The following TMEFF2 variants were observed in gnomAD, a reference collection of about 807,000 sequenced individuals.
The protein encoded by TMEFF2 is transmembrane protein with EGF like and two follistatin like domains 2.
TMEFF2 carries 28 observed loss-of-function variants against 53.8 expected under a neutral mutation model. The observed-to-expected ratio is 0.52, with a 90% CI of 0.39 to 0.71. The LOEUF (loss-of-function observed/expected upper bound fraction) is 0.71. Among genes scored for constraint, TMEFF2 ranks in the 30% least tolerant of loss-of-function variants. The pLI is 0.00. For synonymous variants in TMEFF2, 162 were observed against 166.3 expected (o/e 0.97, Z 0.20); for missense variants, 353 against 455.2 (o/e 0.78, Z 2.04).
rs1691818696 is a variant in TMEFF2 at position 191,949,920 on chromosome 2, C to G, written c.*391G>C. Reference sequence around the variant, plus strand: ...TCCTGTACGAACTAATGTGCTGTCTCAAGATGAGAAGAAACATGAAATATT... The same window carrying G: ...TCCTGTACGAACTAATGTGCTGTCTGAAGATGAGAAGAAACATGAAATATT... On this transcript the variant is annotated 3_prime_UTR_variant, in exon 10 of 10. Transcript: ENST00000272771. 8 of 1,001,538 alleles carry G rather than the reference C, an allele frequency of 8.0e-6. No individual in the cohort carries two copies. The South Asian group carries it at 2.2e-4, about 27-fold the overall frequency. The allele number at this position is 1,001,538 out of a possible 1,614,324, so 62.0% of individuals were successfully genotyped here. A position where few individuals can be genotyped will look rare whatever the true frequency, so the allele number is the denominator to read the frequency against.
chr2:192,108,332 T>C (rs950587043), intron 4 of TMEFF2, among the ~76,000 whole-genome samples: 1 of 151,918 alleles, frequency 6.6e-6, no homozygotes, highest in Non-Finnish European at 1.5e-5. Context: ...ATATGGATTA[T>C]TAGTGTAATC....
At chr2:192,186,026 T>C (rs1691303347) in intron 2 of TMEFF2, among the ~76,000 whole-genome samples, 1 of 152,174 alleles carries the variant, frequency 6.6e-6, no homozygotes, top group African/African-American at 2.4e-5. Flanking sequence ...TTATCTTAAT[T>C]TCTACAATAT....
chr2:192,019,205 AG>A (rs1197169321), intron 5 of TMEFF2, among the ~76,000 whole-genome samples: 3 of 152,076 alleles, frequency 2.0e-5, no homozygotes, highest in Non-Finnish European at 4.4e-5. Flanking sequence ...TCAGTAAAAG[AG>A]TAGAAGTAGG....
chr2:192,001,243 G>T (rs574378053), intron 5 of TMEFF2, among the ~76,000 whole-genome samples: 1 of 152,072 alleles, frequency 6.6e-6, no homozygotes, highest in African/African-American at 2.4e-5. Context: ...AAACAGAAAG[G>T]TATGTTCTGT....
At chr2:192,116,108 TAAAG>T (rs1689397450) in intron 4 of TMEFF2, among the ~76,000 whole-genome samples, 1 of 151,940 alleles carries the variant, frequency 6.6e-6, no homozygotes, top group Non-Finnish European at 1.5e-5. Context: ...GGTGAATGGA[TAAAG>T]AAATTGTGAT....
At chr2:192,006,226 G>A (rs1412283490) in intron 5 of TMEFF2, among the ~76,000 whole-genome samples, 2 of 152,032 alleles carry the variant, frequency 1.3e-5, no homozygotes, top group Non-Finnish European at 2.9e-5. Context: ...CATTAGTATC[G>A]ATCTCTTTAT....
At chr2:191,956,945 A>G (rs79390302) in intron 7 of TMEFF2, among the ~76,000 whole-genome samples, 1 of 152,202 alleles carries the variant, frequency 6.6e-6, no homozygotes, top group Non-Finnish European at 1.5e-5. Context: ...TGTTGCCACA[A>G]TAAACCTATT....
At chr2:191,953,919 T>C in intron 8 of TMEFF2, 82 bp from the exon 9 acceptor site, 1 of 1,052,718 alleles carries the variant, frequency 9.5e-7, no homozygotes, top group South Asian at 1.9e-5. Context: ...AGACGGAGTC[T>C]CGCTCTGTCG....
intron 4 of TMEFF2, among the ~76,000 whole-genome samples, chr2:192,155,987 G>C (rs554139873): frequency 2.1e-4 from 31 of 147,514 alleles, no homozygotes; most frequent in Admixed American, 9.6e-4. Flanking sequence ...TTGAATACAA[G>C]AAACATTAAA....
intron 4 of TMEFF2, among the ~76,000 whole-genome samples, chr2:192,092,583 T>C (rs1352311837): frequency 6.6e-6 from 1 of 152,138 alleles, no homozygotes; most frequent in African/African-American, 2.4e-5. Flanking sequence ...GATGGCCACA[T>C]CCTAATCCCC....
chr2:192,134,547 C>T (rs1385807951), intron 4 of TMEFF2, among the ~76,000 whole-genome samples: 1 of 152,124 alleles, frequency 6.6e-6, no homozygotes, highest in Non-Finnish European at 1.5e-5. Flanking sequence ...GTTCCATCTG[C>T]TATTCTATCT....
chr2:191,951,510 C>T (rs777625224), intron 9 of TMEFF2, among the ~76,000 whole-genome samples: 8 of 150,740 alleles, frequency 5.3e-5, no homozygotes, highest in South Asian at 2.1e-4. Context: ...ATGAGGAAGA[C>T]GAAAAATCAA....
intron 2 of TMEFF2, among the ~76,000 whole-genome samples, chr2:192,184,979 TC>T (rs1172504463): frequency 2.0e-5 from 3 of 152,084 alleles, no homozygotes; most frequent in Non-Finnish European, 4.4e-5. Context: ...TTTATTGAAT[TC>T]TAGTCCTTGT....
rs185464769 is a variant in TMEFF2 at position 191,950,253 on chromosome 2, A to G, written c.*58T>C. 149 of 1,609,378 alleles carry G rather than the reference A, an allele frequency of 9.3e-5. No individual in the cohort carries two copies. The African/African-American group carries it at 1.8e-3, about 19-fold the overall frequency. ...CTCTTGTCTTATTCTTTTGTCTATA[A>G]TACTGTATTGTGTAGTCCAAGCTCT... On this transcript the variant is annotated 3_prime_UTR_variant, in exon 10 of 10. Transcript: ENST00000272771.
intron 2 of TMEFF2, among the ~76,000 whole-genome samples, chr2:192,189,292 C>CCA (rs1691400612): frequency 6.6e-6 from 1 of 151,986 alleles, no homozygotes; most frequent in Non-Finnish European, 1.5e-5. Flanking sequence ...ACCTGTAATC[C>CCA]TAGCACTTTG....
intron 8 of TMEFF2, 94 bp from the exon 9 acceptor site, chr2:191,953,931 C>G: frequency 9.1e-7 from 1 of 1,099,654 alleles, no homozygotes; most frequent in Admixed American, 3.1e-5. Flanking sequence ...GCTCTGTCGC[C>G]CAGGCTGGAG....
At chr2:191,954,989 G>T (rs1187307852) in intron 8 of TMEFF2, among the ~76,000 whole-genome samples, 2 of 152,000 alleles carry the variant, frequency 1.3e-5, no homozygotes, top group East Asian at 3.9e-4. Flanking sequence ...CATCAGGAAG[G>T]GTTTAATAAT....
At chr2:191,982,988 A>G (rs964671325) in intron 7 of TMEFF2, among the ~76,000 whole-genome samples, 8 of 152,164 alleles carry the variant, frequency 5.3e-5, no homozygotes, top group Admixed American at 2.0e-4. Context: ...AAATGTCTGC[A>G]TATTCTATGA....
At chr2:191,963,299 A>G (rs1208166751) in intron 7 of TMEFF2, among the ~76,000 whole-genome samples, 1 of 152,218 alleles carries the variant, frequency 6.6e-6, no homozygotes, top group Admixed American at 6.5e-5. Flanking sequence ...CTTGAACTAA[A>G]TCTATGCATT....
Sources: allele counts gnomAD v4.1 joint callset (sites outside exome capture counted in the v4.1 genomes callset), GRCh38; gene constraint gnomAD v4.1.1; transcripts MANE v1.5; gene names NCBI Gene and HGNC (gene_info 2026-07-23, HGNC 2026-07-21).